The following STRBP variants were observed in gnomAD, a reference collection of about 807,000 sequenced individuals.
STRBP encodes the protein spermatid perinuclear RNA-binding protein.
Under a neutral mutation model 80.1 loss-of-function variants are expected in STRBP, and 13 were observed. The ratio of observed to expected loss-of-function variants is 0.16; its 90% CI spans 0.11 to 0.26. The LOEUF is 0.26. STRBP is among the 10% of genes least tolerant of loss of function. The probability of loss-of-function intolerance (pLI) is 1.00; values close to 1 mark genes in which losing one functional copy is unlikely to be tolerated. For missense variants in STRBP, 485 were observed against 815.2 expected, an observed-to-expected ratio of 0.59 and a Z score of 4.93; for synonymous variants, 284 against 291.2, an observed-to-expected ratio of 0.98 and a Z score of 0.25.
chr9:123,132,680 A>AAC (rs1231454504), intron 17 of STRBP, among the ~76,000 whole-genome samples, 165 bp downstream of exon 17: 2 of 152,194 alleles, frequency 1.3e-5, no homozygotes, highest in African/African-American at 4.8e-5. Flanking sequence ...ATTCCAGGAG[A>AAC]ACACCTATGA....
At chr9:123,164,729 C>A (rs2037680274) in intron 6 of STRBP, among the ~76,000 whole-genome samples, 1 of 152,202 alleles carries the variant, frequency 6.6e-6, no homozygotes, top group African/African-American at 2.4e-5. Context: ...GCTACTAAGT[C>A]TATGCTGACA....
chr9:123,207,680 C>T (rs997653111), intron 2 of STRBP, among the ~76,000 whole-genome samples: 6 of 152,098 alleles, frequency 3.9e-5, no homozygotes, highest in Admixed American at 2.0e-4. Flanking sequence ...ATGTGTATAC[C>T]TATTCACAAA....
chr9:123,166,754 GCAACAACAACAACAACAACAACAACAA>G (rs72023338), intron 6 of STRBP, among the ~76,000 whole-genome samples: 3 of 147,228 alleles, frequency 2.0e-5, no homozygotes, highest in Admixed American at 2.0e-4. Context: ...ACTGTCTCCA[GCAACAACAACAACAACAACAACAACAA>G]CAACAACAAC....
chr9:123,239,345 G>T (rs2040643987), intron 1 of STRBP, among the ~76,000 whole-genome samples: 1 of 151,998 alleles, frequency 6.6e-6, no homozygotes, highest in African/African-American at 2.4e-5. Flanking sequence ...ACTGCACTCT[G>T]GCCTGGGTGA....
At chr9:123,204,923 C>CAA (rs34576355) in intron 2 of STRBP, among the ~76,000 whole-genome samples, 17 of 54,532 alleles carry the variant, frequency 3.1e-4, no homozygotes, top group Non-Finnish European at 6.5e-4. Context: ...GACTCCATCT[C>CAA]AAAAAAAAAA....
chr9:123,143,407 C>A (rs973564967), intron 13 of STRBP, among the ~76,000 whole-genome samples: 2 of 152,220 alleles, frequency 1.3e-5, no homozygotes, highest in African/African-American at 4.8e-5. Flanking sequence ...CTACTGATTT[C>A]TTCTTTTCTT....
chr9:123,121,196 T>C (rs1400757632), downstream of STRBP: 4 of 152,170 alleles, frequency 2.6e-5, no homozygotes, highest in African/African-American at 9.7e-5. Context: ...AGATTCTGCA[T>C]GGAAAAAAAC....
chr9:123,174,445 A>G (rs1163562155), intron 4 of STRBP, among the ~76,000 whole-genome samples: 2 of 152,224 alleles, frequency 1.3e-5, no homozygotes, highest in East Asian at 1.9e-4. Context: ...CTCAAAAAAT[A>G]AAAATAAACT....
At chr9:123,188,060 A>C (rs1214618634) in intron 2 of STRBP, among the ~76,000 whole-genome samples, 2 of 152,034 alleles carry the variant, frequency 1.3e-5, no homozygotes, top group African/African-American at 4.8e-5. Context: ...GTAACCACTA[A>C]GTTTTTTCAG....
At chr9:123,227,454 T>C (rs1282451129) in intron 2 of STRBP, among the ~76,000 whole-genome samples, 1 of 151,572 alleles carries the variant, frequency 6.6e-6, no homozygotes, top group Non-Finnish European at 1.5e-5. Flanking sequence ...CAGGGTCAGA[T>C]GAAGTAGGGC....
chr9:123,146,493 A>G (rs2036820070), intron 13 of STRBP, among the ~76,000 whole-genome samples: 1 of 151,326 alleles, frequency 6.6e-6, no homozygotes, highest in Non-Finnish European at 1.5e-5. Context: ...TACATGAAAA[A>G]AAATCAGAAG....
intron 1 of STRBP, among the ~76,000 whole-genome samples, chr9:123,242,680 T>C (rs2040720141): frequency 1.3e-5 from 2 of 152,080 alleles, no homozygotes. Context: ...ATAAACAGAA[T>C]TGAAATGAAA....
intron 17 of STRBP, among the ~76,000 whole-genome samples, chr9:123,130,934 G>C (rs937644494): frequency 2.6e-5 from 4 of 151,728 alleles, no homozygotes; most frequent in African/African-American, 9.7e-5. Flanking sequence ...TACTATCAAT[G>C]TCTCTTGCCT....
chr9:123,130,339 G>A (rs541273080), intron 17 of STRBP, among the ~76,000 whole-genome samples: 2 of 151,986 alleles, frequency 1.3e-5, no homozygotes, highest in African/African-American at 2.4e-5. Flanking sequence ...ATCTTGTCTC[G>A]GCCATAAAAT....
chr9:123,216,165 C>T (rs573391664), intron 2 of STRBP, among the ~76,000 whole-genome samples: 1 of 152,178 alleles, frequency 6.6e-6, no homozygotes, highest in Admixed American at 6.5e-5. Flanking sequence ...ACCGCTACCC[C>T]CTTCCTAATC....
chr9:123,240,055 T>C (rs2040660340), intron 1 of STRBP, among the ~76,000 whole-genome samples: 1 of 152,222 alleles, frequency 6.6e-6, no homozygotes, highest in Non-Finnish European at 1.5e-5. Flanking sequence ...TACTATATTA[T>C]GGGATTTGCT....
intron 4 of STRBP, among the ~76,000 whole-genome samples, chr9:123,176,711 T>G (rs1442245749): frequency 6.6e-6 from 1 of 152,202 alleles, no homozygotes; most frequent in Non-Finnish European, 1.5e-5. Flanking sequence ...AGCCCACAGG[T>G]AGAAGACAGC....
chr9:123,253,566 AG>A (rs1364457344), intron 1 of STRBP, among the ~76,000 whole-genome samples: 32 of 152,388 alleles, frequency 2.1e-4, no homozygotes, highest in Admixed American at 1.8e-3. Flanking sequence ...TTATCAGCTA[AG>A]TGATTCTAGA....
rs114357113 is a variant in STRBP, at chr9:123,112,750, G to A, written c.*85-2997C>T. 4.7e-3 allele frequency: 791 copies of A among 167,312 alleles called. 5 individuals are homozygous for A. The highest frequency in any genetic ancestry group is 8.2e-3 in the Non-Finnish European group (561 of 68,200). The allele number at this position is 167,312 out of a possible 1,614,324, so 10.4% of individuals were successfully genotyped here. A position where few individuals can be genotyped will look rare whatever the true frequency, so the allele number is the denominator to read the frequency against. The stretch of plus-strand genomic sequence containing the variant: ...TAGCTGGCAGCCTCTGGAGACGAGA[G>A]GCCAGCACCTCTGCTTCTCTGAGGC... On this transcript the variant is annotated intron_variant and NMD_transcript_variant, in intron 3 of 3. Transcript: ENST00000471564.
Sources: allele counts gnomAD v4.1 joint callset (sites outside exome capture counted in the v4.1 genomes callset), GRCh38; gene constraint gnomAD v4.1.1; transcripts MANE v1.5; gene names NCBI Gene and HGNC (gene_info 2026-07-23, HGNC 2026-07-21).